GNA15: variants seen among roughly 807,000 people sequenced by gnomAD.
GNA15 encodes the protein G protein subunit alpha 15.
A neutral mutation model predicts 40.1 loss-of-function variants in GNA15; 23 were observed. The ratio of observed to expected loss-of-function variants is 0.57; its 90% CI spans 0.41 to 0.81. The LOEUF (loss-of-function observed/expected upper bound fraction) is 0.81, where lower values mean the gene tolerates loss of function less well. Ranked by LOEUF, GNA15 falls within the 40% of genes least tolerant of loss-of-function variation. GNA15 has a pLI of 0.00. For synonymous variants in GNA15, 226 were observed against 210.4 expected (o/e 1.07, Z -0.64); for missense variants, 522 against 515.8 (o/e 1.01, Z -0.12).
rs1307234170 is a variant in GNA15, at chr19:3,148,719, G to C, written c.274G>C (p.Ala92Pro). The change falls in exon 2 of 7, where the codon GCC (alanine) becomes CCC (proline). Residue 92 changes from alanine (A) to proline (P), a missense_variant. Coordinates refer to ENST00000262958, the MANE Select transcript of GNA15 (RefSeq NM_002068.4). ...VYQNIFVSMR[A>P]MIEAMERLQI... The stretch of plus-strand genomic sequence containing the variant: ...CCAGAACATCTTCGTGTCCATGCGG[G>C]CCATGATCGAGGCCATGGAGCGGCT... 3.1e-6 allele frequency: 5 copies of C among 1,603,546 alleles called. No homozygotes were observed. In the East Asian group the frequency reaches 1.1e-4, roughly 36 times the overall value.
intron 1 of GNA15, among the ~76,000 whole-genome samples, chr19:3,144,781 G>A (rs1383864473): frequency 2.6e-5 from 4 of 151,370 alleles, no homozygotes; most frequent in Non-Finnish European, 4.4e-5. Context: ...GCCCGCCTTG[G>A]CCTCCCATAG....
chr19:3,142,811 G>T (rs1183235827), intron 1 of GNA15, among the ~76,000 whole-genome samples: 1 of 152,152 alleles, frequency 6.6e-6, no homozygotes, highest in Non-Finnish European at 1.5e-5. Flanking sequence ...GGAGGAGGTT[G>T]CGGTGTGCTG....
rs185798922 is a variant in GNA15 at position 3,137,559 on chromosome 19, G to A, written c.145+964G>A. Among the ~76,000 whole-genome samples the A allele has an allele frequency of 3.5e-3, 537 of 151,938 alleles. 2 individuals are homozygous for A. Among genetic ancestry groups the A allele is most frequent in the Non-Finnish European group, 4.7e-3 (322 of 67,918 alleles). On this transcript the variant is annotated intron_variant, in intron 1 of 6. Coordinates refer to ENST00000262958, the MANE Select transcript of GNA15 (RefSeq NM_002068.4). ...AGCACTTTGGGAGGCCGAGGTGGGT[G>A]GATCACAAGGTCGGGAGATCGAGAC...
At chr19:3,161,275 A>T (rs1281837195) in intron 6 of GNA15, among the ~76,000 whole-genome samples, 2 of 152,086 alleles carry the variant, frequency 1.3e-5, no homozygotes, top group African/African-American at 4.8e-5. Flanking sequence ...TAACTTAACT[A>T]ATTACATCTG....
chr19:3,152,767 C>T (rs1325481257), intron 4 of GNA15, among the ~76,000 whole-genome samples: 2 of 152,094 alleles, frequency 1.3e-5, no homozygotes, highest in Non-Finnish European at 2.9e-5. Context: ...TTGTGTTTGA[C>T]CTACCCCTAT....
At chr19:3,158,310 C>T (rs1401000244) in intron 6 of GNA15, among the ~76,000 whole-genome samples, 1 of 151,954 alleles carries the variant, frequency 6.6e-6, no homozygotes, top group South Asian at 2.1e-4. Context: ...CCACCACGCC[C>T]AGCTAATTTT....
chr19:3,138,797 ATTTTTTTTTT>A (rs143429911), intron 1 of GNA15, among the ~76,000 whole-genome samples: 1 of 140,970 alleles, frequency 7.1e-6, no homozygotes, highest in Non-Finnish European at 1.5e-5. Context: ...CGCCCAGTTA[ATTTTTTTTTT>A]TTTTGTATTT....
At chr19:3,141,324 GAAC>G (rs1231687224) in intron 1 of GNA15, among the ~76,000 whole-genome samples, 2 of 152,024 alleles carry the variant, frequency 1.3e-5, no homozygotes, top group Non-Finnish European at 2.9e-5. Flanking sequence ...AAAAGAAAGT[GAAC>G]AACAACAAAA....
At chr19:3,143,932 A>G (rs1424462766) in intron 1 of GNA15, among the ~76,000 whole-genome samples, 1 of 149,098 alleles carries the variant, frequency 6.7e-6, no homozygotes, top group African/African-American at 2.5e-5. Flanking sequence ...CATCCTGGCT[A>G]ACATGGTGAA....
intron 1 of GNA15, among the ~76,000 whole-genome samples, chr19:3,137,008 G>T (rs549967538): frequency 1.3e-5 from 2 of 152,346 alleles, no homozygotes; most frequent in South Asian, 4.1e-4. Flanking sequence ...TCACCAGGAC[G>T]CTCCCTCTCG....
In GNA15 at chr19:3,136,510, C is replaced by T. The variant is rs374281001; in HGVS notation, c.60C>T (p.Ala20=). 3.4e-5 allele frequency: 53 copies of T among 1,562,902 alleles called. No individual in the cohort carries two copies. The East Asian group carries it at 3.6e-4, about 11-fold the overall frequency. The part of the protein sequence containing the change: ...CPWCLTEDEK[A]AARVDQEINR... The stretch of plus-strand genomic sequence containing the variant: ...GGTGCCTGACGGAGGATGAGAAGGC[C>T]GCCGCCCGGGTGGACCAGGAGATCA... The change falls in exon 1 of 7, where the codon GCC becomes GCT. Residue 20 remains alanine (A), a synonymous_variant. Coordinates refer to ENST00000262958, the MANE Select transcript of GNA15 (RefSeq NM_002068.4). The surrounding 1 kb of genome is among the most constrained non-coding windows in gnomAD (Gnocchi z 4.9).
At position 3,151,783 on chromosome 19, in the gene GNA15, C is replaced by T; in HGVS notation, c.562C>T (p.Pro188Ser). ...TAQDVLRSRM[P>S]TTGINEYCFS... is the part of the protein sequence containing the mutation. ...TCAGGACGTGCTCCGCAGCCGCATG[C>T]CCACCACTGGCATCAACGAGTACTG... Residue 188 changes from proline to serine, a missense_variant, in exon 4 of 7, where the codon CCC becomes TCC. Transcript: ENST00000262958. The surrounding 1 kb of genome is among the most constrained non-coding windows in gnomAD (Gnocchi z 5.0). The T allele has an allele frequency of 1.2e-6, 2 of 1,612,730 alleles. No homozygotes were observed. Among genetic ancestry groups the T allele is most frequent in the South Asian group, 1.1e-5 (1 of 91,052 alleles).
intron 4 of GNA15, among the ~76,000 whole-genome samples, chr19:3,154,835 G>T (rs1192387036): frequency 2.6e-5 from 4 of 152,086 alleles, no homozygotes; most frequent in African/African-American, 9.7e-5. Context: ...GGGAAATCAT[G>T]GGGAAGTCTG....
chr19:3,138,758 G>A (rs968002446), intron 1 of GNA15, among the ~76,000 whole-genome samples: 10 of 150,868 alleles, frequency 6.6e-5, no homozygotes, highest in African/African-American at 2.2e-4. Flanking sequence ...AGCCTCTTGA[G>A]TAGCTGGGAT....
chr19:3,145,380 TGG>T (rs1163866824), intron 1 of GNA15, among the ~76,000 whole-genome samples: 1 of 121,106 alleles, frequency 8.3e-6, no homozygotes, highest in African/African-American at 3.1e-5. Context: ...TTTGTAGAGA[TGG>T]GGTCTCACTA....
chr19:3,154,554 T>A (rs547519339), intron 4 of GNA15, among the ~76,000 whole-genome samples: 14 of 146,580 alleles, frequency 9.6e-5, no homozygotes, highest in African/African-American at 3.6e-4. Flanking sequence ...ATTTCGTAAA[T>A]GGGTGGACAG....
intron 6 of GNA15, among the ~76,000 whole-genome samples, chr19:3,160,218 G>T (rs993764256): frequency 3.3e-5 from 5 of 151,114 alleles, no homozygotes; most frequent in African/African-American, 1.2e-4. Context: ...CCATATGTCT[G>T]GTGCCTTGGT....
intron 6 of GNA15, among the ~76,000 whole-genome samples, chr19:3,161,499 T>C (rs1026111923): frequency 1.7e-4 from 26 of 152,156 alleles, no homozygotes; most frequent in Non-Finnish European, 1.9e-4. Flanking sequence ...AGGCCAATTT[T>C]AGCCAATTAT....
rs754338447 is a variant in GNA15, at chr19:3,151,822, A to C, written c.601A>C (p.Lys201Gln). Residue 201 changes from lysine to glutamine, a missense_variant, in exon 4 of 7, where the codon AAA (lysine) becomes CAA (glutamine). By Grantham distance (53) the Lys-to-Gln change is moderately conservative. Transcript: ENST00000262958. The surrounding 1 kb of genome is among the most constrained non-coding windows in gnomAD (Gnocchi z 5.0). ...GINEYCFSVQ[K>Q]TNLRIVDVGG... ...CAACGAGTACTGCTTCTCCGTGCAGAAAACCAACCTGCGGTGAGCGCTCCA... is the reference window on the plus strand; with the variant it reads ...CAACGAGTACTGCTTCTCCGTGCAGCAAACCAACCTGCGGTGAGCGCTCCA... 2.5e-6 allele frequency: 4 copies of C among 1,611,014 alleles called. No homozygotes were observed. The highest frequency in any genetic ancestry group is 1.1e-5 in the South Asian group (1 of 90,894).
Sources: gnomAD v4.1 joint callset for allele counts (sites outside exome capture counted in the v4.1 genomes callset) on GRCh38, gnomAD v4.1.1 for gene constraint, Gnocchi (gnomAD v3.1) non-coding constraint, MANE v1.5 for transcripts, NCBI Gene and HGNC (gene_info 2026-07-23, HGNC 2026-07-21) for gene names.